The following DTD1 variants were observed in gnomAD, a reference collection of about 807,000 sequenced individuals.
DTD1 encodes the protein D-tyrosyl-tRNA deacylase 1 homolog.
Under a neutral mutation model 25.6 loss-of-function variants are expected in DTD1, and 13 were observed. The observed-to-expected ratio is 0.51, with a 90% CI of 0.33 to 0.81. The LOEUF (loss-of-function observed/expected upper bound fraction) is 0.81, where lower values mean the gene tolerates loss of function less well. Among genes scored for constraint, DTD1 ranks in the 30% least tolerant of loss-of-function variants. The pLI, the probability that DTD1 is intolerant of heterozygous loss-of-function variation, is 0.02. For missense variants in DTD1, 193 were observed against 266.4 expected (o/e 0.72, Z 1.92); for synonymous variants, 110 against 103.6 (o/e 1.06, Z -0.37).
intron 4 of DTD1, among the ~76,000 whole-genome samples, chr20:18,697,031 G>A (rs559170548): frequency 6.6e-6 from 1 of 151,644 alleles, no homozygotes; most frequent in Admixed American, 6.5e-5. Context: ...AGGAGATCAC[G>A]ACCATCCTGC....
At chr20:18,719,499 A>G (rs2061194545) in intron 4 of DTD1, among the ~76,000 whole-genome samples, 1 of 152,254 alleles carries the variant, frequency 6.6e-6, no homozygotes, top group Non-Finnish European at 1.5e-5. Context: ...AAATGGGATT[A>G]GTAGAATGTC....
rs539493414 is a variant in DTD1 at position 18,705,326 on chromosome 20, C to T, written c.478-38774C>T. Among the ~76,000 whole-genome samples, 11 of 152,252 alleles carry T rather than the reference C, an allele frequency of 7.2e-5. No homozygotes were observed. In the East Asian group the frequency reaches 1.9e-3, roughly 27 times the overall value. On this transcript the variant is annotated intron_variant, in intron 4 of 5. Transcript: ENST00000377452. ...GTTGATCTGAGTTCATCACTATCCT[C>T]ACACGTGGACATGGATTCATAATGT... is the stretch of plus-strand genomic sequence containing the variant.
intron 4 of DTD1, among the ~76,000 whole-genome samples, chr20:18,663,288 G>T (rs1252290107): frequency 1.3e-5 from 2 of 151,998 alleles, no homozygotes; most frequent in African/African-American, 4.8e-5. Context: ...GGGAGGCTGA[G>T]ATGGAAGGAT....
intron 4 of DTD1, among the ~76,000 whole-genome samples, chr20:18,734,973 C>A (rs996126104): frequency 1.3e-5 from 2 of 152,204 alleles, no homozygotes; most frequent in African/African-American, 4.8e-5. Context: ...CAGCCGTTCC[C>A]CCTGACATCA....
At chr20:18,663,643 C>T (rs6045549) in intron 4 of DTD1, among the ~76,000 whole-genome samples, 21,951 of 152,106 alleles carry the variant, frequency 0.14, 1,694 homozygotes, top group Admixed American at 0.2. Context: ...GAGTAACATG[C>T]TGTATTAGTT....
At chr20:18,690,078 ATGAGCTG>A (rs893816003) in intron 4 of DTD1, among the ~76,000 whole-genome samples, 1 of 150,414 alleles carries the variant, frequency 6.6e-6, no homozygotes, top group Non-Finnish European at 1.5e-5. Flanking sequence ...CAAGACTGCA[ATGAGCTG>A]TGATCACACC....
intron 3 of DTD1, among the ~76,000 whole-genome samples, chr20:18,621,272 T>A (rs2060732798): frequency 6.6e-6 from 1 of 152,222 alleles, no homozygotes; most frequent in African/African-American, 2.4e-5. Flanking sequence ...TGTCTTCTCA[T>A]GATTAAAGTT....
At chr20:18,607,994 G>A (rs1004494570) in intron 3 of DTD1, among the ~76,000 whole-genome samples, 13 of 152,216 alleles carry the variant, frequency 8.5e-5, no homozygotes, top group Non-Finnish European at 1.9e-4. Context: ...GATTATAGGC[G>A]TTAGCCACTG....
chr20:18,714,486 A>G (rs990516923), intron 4 of DTD1, among the ~76,000 whole-genome samples: 2 of 151,842 alleles, frequency 1.3e-5, no homozygotes, highest in South Asian at 2.1e-4. Flanking sequence ...CATTGACTCT[A>G]CTCTTCACAG....
chr20:18,753,373 C>T (rs1003203627), intron 5 of DTD1, among the ~76,000 whole-genome samples: 3 of 151,848 alleles, frequency 2.0e-5, no homozygotes, highest in Admixed American at 6.6e-5. Context: ...TTTGGGAGGC[C>T]GAGGCGGGTG....
chr20:18,657,601 G>A (rs1396682290), intron 4 of DTD1, among the ~76,000 whole-genome samples: 3 of 152,230 alleles, frequency 2.0e-5, no homozygotes, highest in Non-Finnish European at 4.4e-5. Context: ...CTTAATTCAA[G>A]TCAGCAAGCA....
chr20:18,625,795 C>G lies in DTD1; in HGVS notation c.371-2332C>G, dbSNP rs75623830. 4.5e-3 allele frequency among the ~76,000 whole-genome samples: 686 copies of G among 152,316 alleles called. 6 individuals carry two copies. The highest frequency in any genetic ancestry group is 0.016 in the African/African-American group (651 of 41,564). ...GATTGAAAGTAGAATGAAGAGGAAG[C>G]CTGTGGGGTGAGAATGCCTCCTTGG... On this transcript the variant is annotated intron_variant, in intron 3 of 5. Coordinates refer to ENST00000377452, the MANE Select transcript of DTD1 (RefSeq NM_080820.6).
intron 4 of DTD1, among the ~76,000 whole-genome samples, chr20:18,648,812 C>T (rs769877937): frequency 1.3e-4 from 20 of 151,788 alleles, no homozygotes; most frequent in African/African-American, 3.6e-4. Flanking sequence ...CTGGCTAACA[C>T]GGTGAAACCT....
At chr20:18,621,725 A>C (rs1326042488) in intron 3 of DTD1, among the ~76,000 whole-genome samples, 1 of 152,162 alleles carries the variant, frequency 6.6e-6, no homozygotes, top group Non-Finnish European at 1.5e-5. Flanking sequence ...GTTAGCATTC[A>C]ATTACTAGAT....
chr20:18,719,671 C>T (rs2061195078), intron 4 of DTD1, among the ~76,000 whole-genome samples: 1 of 152,230 alleles, frequency 6.6e-6, no homozygotes, highest in Non-Finnish European at 1.5e-5. Flanking sequence ...TGCTGCTACA[C>T]ATGGCAGAAG....
intron 5 of DTD1, among the ~76,000 whole-genome samples, chr20:18,757,611 A>G (rs1945418463): frequency 6.6e-6 from 1 of 152,208 alleles, no homozygotes; most frequent in African/African-American, 2.4e-5. Flanking sequence ...CTTGCGTCCC[A>G]GGGATGAAGC....
intron 3 of DTD1, among the ~76,000 whole-genome samples, chr20:18,601,577 G>A (rs2060635288): frequency 6.7e-6 from 1 of 150,242 alleles, no homozygotes; most frequent in Non-Finnish European, 1.5e-5. Context: ...CTGGAGATCT[G>A]AGAACCGGCA....
intron 4 of DTD1, among the ~76,000 whole-genome samples, chr20:18,715,724 C>G (rs532514504): frequency 1.3e-5 from 2 of 152,280 alleles, no homozygotes; most frequent in South Asian, 4.1e-4. Flanking sequence ...ACTTGCATCC[C>G]TAGTGACAAA....
intron 4 of DTD1, among the ~76,000 whole-genome samples, chr20:18,737,032 A>T (rs868778802): frequency 1.3e-5 from 2 of 152,182 alleles, no homozygotes; most frequent in South Asian, 4.2e-4. Context: ...GAAGTCTCTG[A>T]TGATGATTTT....
Sources: allele counts gnomAD v4.1 joint callset (sites outside exome capture counted in the v4.1 genomes callset), GRCh38; gene constraint gnomAD v4.1.1; transcripts MANE v1.5; gene names NCBI Gene and HGNC (gene_info 2026-07-23, HGNC 2026-07-21).